CD109: variants seen among roughly 807,000 people sequenced by gnomAD.
CD109 encodes CD109 molecule.
CD109 carries 149 observed loss-of-function variants against 165.8 expected under a neutral mutation model. The ratio of observed to expected loss-of-function variants is 0.90; its 90% CI spans 0.79 to 1.03. The LOEUF (loss-of-function observed/expected upper bound fraction) is 1.03, where lower values mean the gene tolerates loss of function less well. CD109 is among the 50% of genes least tolerant of loss of function. CD109 has a pLI of 0.00. For synonymous variants in CD109, 585 were observed against 592.1 expected, an observed-to-expected ratio of 0.99 and a Z score of 0.18; for missense variants, 1,712 against 1,677.8, an observed-to-expected ratio of 1.02 and a Z score of -0.36.
chr6:73,752,960 T>C (rs1275657762), intron 5 of CD109, among the ~76,000 whole-genome samples: 1 of 152,210 alleles, frequency 6.6e-6, no homozygotes, highest in Non-Finnish European at 1.5e-5. Flanking sequence ...TTGCTCCATG[T>C]TTTTAGTAAA....
rs190335804 is a variant in CD109 at position 73,730,269 on chromosome 6, T to A, written c.277-75T>A. 100 of 947,340 alleles carry A rather than the reference T, an allele frequency of 1.1e-4. 1 individual carries two copies. Among genetic ancestry groups the A allele is most frequent in the Admixed American group, 3.8e-4 (17 of 45,094 alleles). 58.7% of individuals were successfully genotyped at this position (947,340 alleles called of 1,614,324 possible). A position where few individuals can be genotyped will look rare whatever the true frequency, so the allele number is the denominator to read the frequency against. On this transcript the variant is annotated intron_variant, in intron 3 of 32. Coordinates refer to ENST00000287097, the MANE Select transcript of CD109 (RefSeq NM_133493.5). ...GATAATACTGTGTATTTACTTTTTT[T>A]ATTCTAACTTGCAATTAAAACATTT...
At chr6:73,738,031 A>G (rs1006092315) in intron 5 of CD109, among the ~76,000 whole-genome samples, 1 of 152,240 alleles carries the variant, frequency 6.6e-6, no homozygotes, top group Admixed American at 6.5e-5. Context: ...GAAGGTAAAC[A>G]TATGACCTCC....
chr6:73,751,138 A>G (rs539473143), intron 5 of CD109, among the ~76,000 whole-genome samples: 68 of 152,222 alleles, frequency 4.5e-4, no homozygotes, highest in Non-Finnish European at 8.7e-4. Context: ...CATCTGATGT[A>G]TAAGGATGAG....
At chr6:73,689,984 CAACT>C in the CD109 span, among the ~76,000 whole-genome samples, 2 of 152,168 alleles carry the variant, frequency 1.3e-5, no homozygotes, top group Non-Finnish European at 2.9e-5. Flanking sequence ...TACATCAACA[CAACT>C]AATTATTTTT....
At chr6:73,796,591 A>G (rs537013730) in intron 23 of CD109, among the ~76,000 whole-genome samples, 3 of 152,302 alleles carry the variant, frequency 2.0e-5, no homozygotes, top group Admixed American at 6.5e-5. Flanking sequence ...AGTGGGGACC[A>G]TGTTTGACCT....
intron 5 of CD109, among the ~76,000 whole-genome samples, chr6:73,747,930 G>A (rs1264739821): frequency 6.6e-6 from 1 of 150,856 alleles, no homozygotes; most frequent in African/African-American, 2.4e-5. Context: ...CTGTCACCCA[G>A]GCAATCTCAG....
intron 32 of CD109, among the ~76,000 whole-genome samples, chr6:73,821,100 T>C (rs1271752290): frequency 6.6e-6 from 1 of 152,110 alleles, no homozygotes. Flanking sequence ...TAGGTGGGAA[T>C]TGACCAATGA....
chr6:73,827,575 T>C lies in CD109; in HGVS notation c.*3942T>C, dbSNP rs1776315170. On this transcript the variant is annotated 3_prime_UTR_variant, in exon 33 of 33. Transcript: ENST00000287097. ...ATAGAGGACCATTATCCTTCTTTCTTCAGAAAACTAAGAAGTAAGTGTAAC... is the reference window on the plus strand; with the variant it reads ...ATAGAGGACCATTATCCTTCTTTCTCCAGAAAACTAAGAAGTAAGTGTAAC... 6.6e-6 allele frequency: 1 copy of C among 152,210 alleles called. No homozygotes were observed. The highest frequency in any genetic ancestry group is 1.5e-5 in the Non-Finnish European group (1 of 68,034). The allele number at this position is 152,210 out of a possible 1,614,324, so 9.4% of individuals were successfully genotyped here.
the CD109 span, among the ~76,000 whole-genome samples, chr6:73,685,938 C>T: frequency 5.9e-5 from 9 of 152,284 alleles, no homozygotes; most frequent in South Asian, 2.1e-4. Flanking sequence ...ATTGCTCTGG[C>T]TAGGACTTGT....
At chr6:73,681,839 G>A in the CD109 span, among the ~76,000 whole-genome samples, 1 of 152,060 alleles carries the variant, frequency 6.6e-6, no homozygotes, top group African/African-American at 2.4e-5. Context: ...CTGACCTCAG[G>A]TGATCTGCCC....
At position 73,707,093 on chromosome 6, in the gene CD109, C is replaced by T. The variant is rs185974515; in HGVS notation, c.247+9521C>T. ...GCAGAGTAGGCTTCATTTGATGTGT[C>T]CTCCCACGTTGATTATAGAGGCTTG... On this transcript the variant is annotated intron_variant, in intron 2 of 32. Coordinates refer to ENST00000287097, the MANE Select transcript of CD109 (RefSeq NM_133493.5). Among the ~76,000 whole-genome samples the T allele has an allele frequency of 5.9e-5, 9 of 152,298 alleles. No homozygotes were observed. In the East Asian group the frequency reaches 1.4e-3, roughly 23 times the overall value.
chr6:73,785,588 A>G, intron 20 of CD109, 111 bp downstream of exon 20: 1 of 581,530 alleles, frequency 1.7e-6, no homozygotes, highest in Admixed American at 3.8e-5. Flanking sequence ...AGCACTTTAT[A>G]CATTTCTGGG....
intron 21 of CD109, 82 bp from the exon 22 acceptor site, chr6:73,788,386 A>G: frequency 8.1e-7 from 1 of 1,236,686 alleles, no homozygotes; most frequent in Non-Finnish European, 1.1e-6. Context: ...AACAGGTCAG[A>G]TGTTTGTGCT....
intron 23 of CD109, among the ~76,000 whole-genome samples, chr6:73,800,394 T>C (rs1775321185): frequency 6.6e-6 from 1 of 152,218 alleles, no homozygotes; most frequent in Admixed American, 6.5e-5. Context: ...CAATTACAGA[T>C]GATGCTGTAA....
intron 2 of CD109, among the ~76,000 whole-genome samples, chr6:73,718,192 G>A (rs112108143): frequency 0.052 from 7,826 of 151,894 alleles, 211 homozygotes; most frequent in Middle Eastern, 0.099. Context: ...TATCATCTGC[G>A]AACAAAAATA....
intron 13 of CD109, 62 bp from the exon 14 acceptor site, chr6:73,767,993 A>C: frequency 7.6e-7 from 1 of 1,322,014 alleles, no homozygotes; most frequent in South Asian, 1.3e-5. Flanking sequence ...TGATTAATGT[A>C]GCTTCAGATG....
At chr6:73,748,890 A>G (rs1773080817) in intron 5 of CD109, among the ~76,000 whole-genome samples, 1 of 152,218 alleles carries the variant, frequency 6.6e-6, no homozygotes, top group Non-Finnish European at 1.5e-5. Flanking sequence ...TAAGTAGGAC[A>G]GTGTACATCA....
At chr6:73,815,442 G>GAACCA (rs1256613742) in intron 30 of CD109, among the ~76,000 whole-genome samples, 8 of 151,804 alleles carry the variant, frequency 5.3e-5, no homozygotes, top group African/African-American at 1.7e-4. Flanking sequence ...TTCAAAAATG[G>GAACCA]TTATTTCTTG....
the CD109 span, among the ~76,000 whole-genome samples, chr6:73,688,668 G>A: frequency 6.6e-6 from 1 of 151,980 alleles, no homozygotes; most frequent in South Asian, 2.1e-4. Flanking sequence ...TCTGGAGAGG[G>A]GAGAAGGGCT....
Sources: gnomAD v4.1 joint callset for allele counts (sites outside exome capture counted in the v4.1 genomes callset) on GRCh38, gnomAD v4.1.1 for gene constraint, MANE v1.5 for transcripts, NCBI Gene and HGNC (gene_info 2026-07-23, HGNC 2026-07-21) for gene names.